The following SLC5A7 variants were observed in gnomAD, a reference collection of about 807,000 sequenced individuals.
The protein encoded by SLC5A7 is high affinity choline transporter 1.
In SLC5A7, 19 loss-of-function variants were observed where a neutral mutation model predicts 55.4. The ratio of observed to expected loss-of-function variants is 0.34; its 90% confidence interval spans 0.24 to 0.50. The LOEUF (loss-of-function observed/expected upper bound fraction) is 0.50. Among genes scored for constraint, SLC5A7 ranks in the 20% least tolerant of loss-of-function variants. The pLI is 0.98. For missense variants in SLC5A7, 506 were observed against 705.3 expected (o/e 0.72, Z 3.20); for synonymous variants, 265 against 263.7 (o/e 1.00, Z -0.05).
intron 5 of SLC5A7, among the ~76,000 whole-genome samples, chr2:108,001,059 C>T (rs1346157020): frequency 1.3e-5 from 2 of 151,482 alleles, no homozygotes; most frequent in Non-Finnish European, 2.9e-5. Context: ...TCCCAAGCAG[C>T]TGAGAAATAC....
chr2:107,991,989 A>G (rs1677470413), intron 2 of SLC5A7, 117 bp from the exon 3 acceptor site: 4 of 529,962 alleles, frequency 7.5e-6, no homozygotes, highest in East Asian at 2.9e-5. Flanking sequence ...AAACAACTCA[A>G]TCTAGGCTCG....
At chr2:108,000,925 CTTT>C (rs1170263457) in intron 5 of SLC5A7, among the ~76,000 whole-genome samples, 1 of 112,502 alleles carries the variant, frequency 8.9e-6, no homozygotes. Flanking sequence ...TAATACAATT[CTTT>C]TTTTTTTTTT....
intron 2 of SLC5A7, among the ~76,000 whole-genome samples, chr2:107,991,142 G>A (rs1440581680): frequency 6.6e-6 from 1 of 152,110 alleles, no homozygotes; most frequent in Admixed American, 6.5e-5. Context: ...TCTATTCAGA[G>A]AAAAATATTA....
intron 1 of SLC5A7, 60 bp downstream of exon 1, chr2:107,986,823 C>T (rs2104329390): frequency 6.6e-6 from 1 of 152,296 alleles, no homozygotes; most frequent in East Asian, 1.9e-4. Context: ...ACGCCTTGGG[C>T]ACCGAGCCCG....
Position 108,012,561 on chromosome 2 carries a change from A to C in SLC5A7, c.*1700A>C, listed in dbSNP as rs957114510. The C allele has an allele frequency of 6.6e-6, 1 of 152,114 alleles. No homozygotes were observed. Among genetic ancestry groups the C allele is most frequent in the Non-Finnish European group, 1.5e-5 (1 of 67,998 alleles). The allele number at this position is 152,114 out of a possible 1,614,324, so 9.4% of individuals were successfully genotyped here. A position where few individuals can be genotyped will look rare whatever the true frequency, so the allele number is the denominator to read the frequency against. On this transcript the variant is annotated 3_prime_UTR_variant, in exon 9 of 9. Coordinates refer to ENST00000264047, the MANE Select transcript of SLC5A7 (RefSeq NM_021815.5). The stretch of plus-strand genomic sequence containing the variant: ...AATTTTTAAAAGAGGAAATTAAATA[A>C]TTTTACATGTCTCATATTTTCAGTG...
In SLC5A7 at chr2:108,010,721, G is replaced by A. The variant is rs2104384083; in HGVS notation, c.1603G>A (p.Glu535Lys). ...NMDKTILVKNENIKLDELALV... is the reference protein window; with the variant it reads ...NMDKTILVKNKNIKLDELALV... Reference sequence around the variant, plus strand: ...GGATAAGACAATTCTTGTCAAAAATGAAAATATTAAATTAGATGAACTTGC... The same window carrying A: ...GGATAAGACAATTCTTGTCAAAAATAAAAATATTAAATTAGATGAACTTGC... The change falls in exon 9 of 9, where the codon GAA (glutamate) becomes AAA (lysine). Residue 535 changes from glutamate to lysine, a missense_variant. Coordinates refer to ENST00000264047, the MANE Select transcript of SLC5A7 (RefSeq NM_021815.5). 5 of 1,613,788 alleles carry A rather than the reference G, an allele frequency of 3.1e-6. No individual in the cohort carries two copies. The highest frequency in any genetic ancestry group is 4.2e-6 in the Non-Finnish European group (5 of 1,179,874).
chr2:107,995,468 A>AGTGTGT (rs869199323), intron 4 of SLC5A7, among the ~76,000 whole-genome samples: 1,827 of 125,404 alleles, frequency 0.015, 12 homozygotes, highest in Middle Eastern at 0.022. Context: ...AGAGAGAGAG[A>AGTGTGT]GAGTGTGTGT....
chr2:108,008,214 C>A (rs1360355504), intron 7 of SLC5A7, among the ~76,000 whole-genome samples: 2 of 152,144 alleles, frequency 1.3e-5, no homozygotes, highest in Non-Finnish European at 2.9e-5. Flanking sequence ...ACCATCATTG[C>A]AGAAAGGAAA....
At position 108,010,973 on chromosome 2, in the gene SLC5A7, A is replaced by G. The variant is rs142832697; in HGVS notation, c.*112A>G. ...ATTAAAAATATAAACAATGTTCAGGAGAGTAAAAATTCATATAAAGTGCAA... is the reference window on the plus strand; with the variant it reads ...ATTAAAAATATAAACAATGTTCAGGGGAGTAAAAATTCATATAAAGTGCAA... On this transcript the variant is annotated 3_prime_UTR_variant, in exon 9 of 9. Coordinates refer to ENST00000264047, the MANE Select transcript of SLC5A7 (RefSeq NM_021815.5). 3.8e-4 allele frequency: 455 copies of G among 1,188,340 alleles called. No individual in the cohort carries two copies. In the African/African-American group the frequency reaches 6.1e-3, roughly 16 times the overall value. 73.6% of individuals were successfully genotyped at this position (1,188,340 alleles called of 1,614,324 possible).
chr2:108,002,034 G>C lies in SLC5A7; in HGVS notation c.735G>C (p.Leu245=). Residue 245 remains leucine (L), a synonymous_variant, in exon 6 of 9, where the codon CTG becomes CTC. Coordinates refer to ENST00000264047, the MANE Select transcript of SLC5A7 (RefSeq NM_021815.5). ...TCTACTCTTGGCTTGATAGTTTTCT[G>C]TTGTTGGTAAGTAATGCTCTTACCT... is the stretch of plus-strand genomic sequence containing the variant. ...SEVYSWLDSF[L]LLMLGGIPWQ... is the part of the protein sequence containing the mutation. The C allele has an allele frequency of 6.2e-7, 1 of 1,613,880 alleles. No individual in the cohort carries two copies. Among genetic ancestry groups the C allele is most frequent in the East Asian group, 2.2e-5 (1 of 44,876 alleles).
intron 2 of SLC5A7, among the ~76,000 whole-genome samples, chr2:107,989,676 G>A (rs1339337829): frequency 1.3e-5 from 2 of 152,164 alleles, no homozygotes; most frequent in East Asian, 1.9e-4. Context: ...CCCATGCTGT[G>A]CCACATGCAG....
At chr2:107,991,207 T>C (rs1485373690) in intron 2 of SLC5A7, among the ~76,000 whole-genome samples, 2 of 152,224 alleles carry the variant, frequency 1.3e-5, no homozygotes, top group Non-Finnish European at 2.9e-5. Context: ...TTTTCTTTGG[T>C]TCTTTGACCT....
chr2:108,010,945 T>C lies in SLC5A7; in HGVS notation c.*84T>C. 1 of 1,325,082 alleles carries C rather than the reference T, an allele frequency of 7.5e-7. No individual in the cohort carries two copies. The highest frequency in any genetic ancestry group is 1.0e-6 in the Non-Finnish European group (1 of 999,338). The allele number at this position is 1,325,082 out of a possible 1,614,324, so 82.1% of individuals were successfully genotyped here. A position where few individuals can be genotyped will look rare whatever the true frequency, so the allele number is the denominator to read the frequency against. On this transcript the variant is annotated 3_prime_UTR_variant, in exon 9 of 9. Transcript: ENST00000264047. ...AGAGATGGTATGCAGCATACAAAAA[T>C]ATATTAAAAATATAAACAATGTTCA...
chr2:107,986,966 G>T (rs886341837), intron 1 of SLC5A7, among the ~76,000 whole-genome samples: 1 of 152,122 alleles, frequency 6.6e-6, no homozygotes, highest in African/African-American at 2.4e-5. Flanking sequence ...GGTAGAGGGG[G>T]CCGAGGAAAG....
At position 107,988,346 on chromosome 2, in the gene SLC5A7, G is replaced by T. The variant is rs768137149; in HGVS notation, c.178+13G>T. 1 of 1,602,316 alleles carries T rather than the reference G, an allele frequency of 6.2e-7. No homozygotes were observed. Among genetic ancestry groups the T allele is most frequent in the South Asian group, 1.1e-5 (1 of 90,450 alleles). ...TTTACCATGACAGGTACGTTCAGAC[G>T]CCGCCGGCTCCATGCAGTCCTCCCT... On this transcript the variant is annotated intron_variant, in intron 2 of 8. Transcript: ENST00000264047.
At chr2:107,992,070 G>A (rs370776908) in intron 2 of SLC5A7, 36 bp from the exon 3 acceptor site, 69 of 1,400,414 alleles carry the variant, frequency 4.9e-5, no homozygotes, top group Middle Eastern at 1.8e-4. Context: ...TAACAGGTAA[G>A]ACAGTATCAC....
intron 5 of SLC5A7, 61 bp downstream of exon 5, chr2:107,998,047 C>A: frequency 7.0e-7 from 1 of 1,436,464 alleles, no homozygotes; most frequent in Non-Finnish European, 9.3e-7. Flanking sequence ...GTATTTTATA[C>A]TAACTCATTA....
rs1165481434 is a variant in SLC5A7, at chr2:108,011,334, T to A, written c.*473T>A. On this transcript the variant is annotated 3_prime_UTR_variant, in exon 9 of 9. Transcript: ENST00000264047. ...GGTGCAATGAATTAACCAGCTGATT[T>A]TTCTTAGTGTGATGATTAACCCCTT... 6.6e-6 allele frequency: 1 copy of A among 152,572 alleles called. No individual in the cohort carries two copies. The highest frequency in any genetic ancestry group is 2.4e-5 in the African/African-American group (1 of 41,472). 9.5% of individuals were successfully genotyped at this position (152,572 alleles called of 1,614,324 possible). A position where few individuals can be genotyped will look rare whatever the true frequency, so the allele number is the denominator to read the frequency against.
chr2:108,012,230 A>G lies in SLC5A7; in HGVS notation c.*1369A>G, dbSNP rs1678360562. On this transcript the variant is annotated 3_prime_UTR_variant, in exon 9 of 9. Transcript: ENST00000264047. ...TTGTGTCCATTTCAAGTGTTTTCAC[A>G]CCAGTCACACATTATAGAAATTACT... is the stretch of plus-strand genomic sequence containing the variant. The G allele has an allele frequency of 6.6e-6, 1 of 152,066 alleles. No individual in the cohort carries two copies. The highest frequency in any genetic ancestry group is 1.5e-5 in the Non-Finnish European group (1 of 67,988). 9.4% of individuals were successfully genotyped at this position (152,066 alleles called of 1,614,324 possible).
Sources: gnomAD v4.1 joint callset for allele counts (sites outside exome capture counted in the v4.1 genomes callset) on GRCh38, gnomAD v4.1.1 for gene constraint, MANE v1.5 for transcripts, NCBI Gene and HGNC (gene_info 2026-07-23, HGNC 2026-07-21) for gene names.